The following FAM193A variants were observed in gnomAD, a reference collection of about 807,000 sequenced individuals.
FAM193A encodes the protein family with sequence similarity 193 member A.
A neutral mutation model predicts 126.5 loss-of-function variants in FAM193A; 22 were observed. That is an observed-to-expected ratio of 0.17 (90% CI 0.12 to 0.25). The LOEUF (loss-of-function observed/expected upper bound fraction) is 0.25. Among genes scored for constraint, FAM193A ranks in the 10% least tolerant of loss-of-function variants. FAM193A has a pLI of 1.00. For synonymous variants in FAM193A, 761 were observed against 646.8 expected, an observed-to-expected ratio of 1.18 and a Z score of -2.68; for missense variants, 1,675 against 1,672.8, an observed-to-expected ratio of 1.00 and a Z score of -0.02.
In FAM193A at chr4:2,646,680, C is replaced by G. The variant is rs777206397; in HGVS notation, c.1164-5C>G. 3.1e-6 allele frequency: 5 copies of G among 1,600,532 alleles called. No homozygotes were observed. In the South Asian group the frequency reaches 5.6e-5, roughly 18 times the overall value. ...TCCTTTGTTACAAGGCCTTCTCTCT[C>G]CTAGGCTAGGAACCACCACACACGA... On this transcript the variant is annotated splice_polypyrimidine_tract_variant and splice_region_variant and intron_variant, in intron 6 of 20. Transcript: ENST00000637812.
rs59143784 is a variant in FAM193A, at chr4:2,706,291, C to CTTT, written c.4372+5767_4372+5769dup. ...TGTCCTACAATAAATTTCTTTCTTTCTTTTTTTTTTTTTTTTTTTTTTGAG... is the reference window on the plus strand; with the variant it reads ...TGTCCTACAATAAATTTCTTTCTTTCTTTTTTTTTTTTTTTTTTTTTTTTTGAG... On this transcript the variant is annotated intron_variant, in intron 19 of 20. Coordinates refer to ENST00000637812, the MANE Select transcript of FAM193A (RefSeq NM_001366318.2). Among the ~76,000 whole-genome samples the CTTT allele has an allele frequency of 9.8e-3, 1,068 of 108,576 alleles. 36 individuals carry two copies. Among genetic ancestry groups the CTTT allele is most frequent in the Admixed American group, 0.014 (120 of 8,328 alleles). 71.2% of individuals were successfully genotyped at this position (108,576 alleles called of 152,430 possible).
chr4:2,585,367 A>G (rs973752177), intron 1 of FAM193A, among the ~76,000 whole-genome samples: 2 of 152,010 alleles, frequency 1.3e-5, no homozygotes, highest in African/African-American at 4.8e-5. Flanking sequence ...CCATTGTTTC[A>G]TGTTTTTGGC....
At chr4:2,623,896 G>T (rs1458127572) in intron 2 of FAM193A, among the ~76,000 whole-genome samples, 1 of 152,104 alleles carries the variant, frequency 6.6e-6, no homozygotes, top group Non-Finnish European at 1.5e-5. Flanking sequence ...GGGTCAGGGG[G>T]ATGCAATGAT....
chr4:2,548,216 C>T (rs1024994202), intron 1 of FAM193A, among the ~76,000 whole-genome samples: 1 of 148,592 alleles, frequency 6.7e-6, no homozygotes, highest in Admixed American at 6.8e-5. Context: ...GGATTACAGG[C>T]GCCTTCCACC....
chr4:2,554,837 T>C (rs1738160892), intron 1 of FAM193A, among the ~76,000 whole-genome samples: 1 of 152,212 alleles, frequency 6.6e-6, no homozygotes, highest in Non-Finnish European at 1.5e-5. Context: ...TCATCCTTGG[T>C]AGTTTGCTTG....
At chr4:2,553,282 T>G (rs1578582272) in intron 1 of FAM193A, among the ~76,000 whole-genome samples, 1 of 152,148 alleles carries the variant, frequency 6.6e-6, no homozygotes, top group South Asian at 2.1e-4. Context: ...TGCGCGATGA[T>G]AGGACCTGTG....
chr4:2,600,052 A>G (rs1741107755), intron 2 of FAM193A, among the ~76,000 whole-genome samples: 1 of 152,106 alleles, frequency 6.6e-6, no homozygotes, highest in African/African-American at 2.4e-5. Flanking sequence ...GGCGCGCAAC[A>G]CCACACCTGG....
chr4:2,668,434 T>A (rs2298963), intron 12 of FAM193A, among the ~76,000 whole-genome samples: 4 of 151,854 alleles, frequency 2.6e-5, no homozygotes, highest in South Asian at 2.1e-4. Flanking sequence ...GGCTGGTCTC[T>A]AACTGGCCTC....
At chr4:2,552,832 C>T (rs142862308) in intron 1 of FAM193A, among the ~76,000 whole-genome samples, 127 of 149,558 alleles carry the variant, frequency 8.5e-4, no homozygotes, top group African/African-American at 2.9e-3. Context: ...CCACCGCGCC[C>T]GGCCACAGAA....
intron 4 of FAM193A, among the ~76,000 whole-genome samples, chr4:2,627,279 G>C (rs1013256140): frequency 6.7e-6 from 1 of 150,358 alleles, no homozygotes; most frequent in Admixed American, 6.7e-5. Context: ...TTATGTCTCA[G>C]CCTCCAGAGT....
chr4:2,649,373 T>TCAAA (rs1560520741), intron 7 of FAM193A, among the ~76,000 whole-genome samples: 2 of 129,048 alleles, frequency 1.5e-5, no homozygotes, highest in African/African-American at 6.5e-5. Flanking sequence ...AGACCCTGTC[T>TCAAA]GAAAAAAAAA....
chr4:2,640,102 A>G (rs1744466427), intron 6 of FAM193A, among the ~76,000 whole-genome samples: 1 of 152,244 alleles, frequency 6.6e-6, no homozygotes, highest in African/African-American at 2.4e-5. Flanking sequence ...CTCATACAGA[A>G]AAGCTACAGT....
In FAM193A at chr4:2,696,369, G is replaced by T. The variant is rs2109294182; in HGVS notation, c.3283G>T (p.Ala1095Ser). ...CEFFGHGGPPAAPTSRNYAEM... is the reference protein window; with the variant it reads ...CEFFGHGGPPSAPTSRNYAEM... ...ACTTTGTTGTTTTTCTCAGCCTCCAGCTGCACCAACAAGTAGAAATTATGC... is the reference window on the plus strand; with the variant it reads ...ACTTTGTTGTTTTTCTCAGCCTCCATCTGCACCAACAAGTAGAAATTATGC... Residue 1095 changes from alanine to serine, a missense_variant, in exon 18 of 21, where the codon GCT (alanine) becomes TCT (serine). By Grantham distance (99) the Ala-to-Ser change is moderately conservative (BLOSUM62 1). Transcript: ENST00000637812. 1.2e-6 allele frequency: 2 copies of T among 1,610,906 alleles called. No homozygotes were observed. Among genetic ancestry groups the T allele is most frequent in the East Asian group, 4.5e-5 (2 of 44,830 alleles).
At chr4:2,603,451 ATTT>A (rs71178489) in intron 2 of FAM193A, among the ~76,000 whole-genome samples, 32 of 99,294 alleles carry the variant, frequency 3.2e-4, no homozygotes, top group East Asian at 1.7e-3. Flanking sequence ...CGCCCAGCTA[ATTT>A]TTTTTTTTTT....
intron 1 of FAM193A, among the ~76,000 whole-genome samples, chr4:2,565,234 A>G (rs1560446505): frequency 6.8e-6 from 1 of 147,826 alleles, no homozygotes; most frequent in Admixed American, 6.8e-5. Context: ...AAAACTGGAT[A>G]TACACAATGA....
At chr4:2,644,992 G>A (rs901444527) in intron 6 of FAM193A, among the ~76,000 whole-genome samples, 2 of 151,792 alleles carry the variant, frequency 1.3e-5, no homozygotes, top group East Asian at 3.9e-4. Context: ...GTTACCATGA[G>A]CATATTTCCA....
In FAM193A at chr4:2,623,232, G is replaced by A. The variant is rs148273118; in HGVS notation, c.502-2030G>A. 3.1e-3 allele frequency among the ~76,000 whole-genome samples: 467 copies of A among 151,700 alleles called. 3 individuals are homozygous for A. The highest frequency in any genetic ancestry group is 3.1e-3 in the Non-Finnish European group (209 of 67,890). ...TGTCACCAGGCTGGAGTGCGGTGGCGCGATCTCGGCTCACTGCAAGCTCTG... is the reference window on the plus strand; with the variant it reads ...TGTCACCAGGCTGGAGTGCGGTGGCACGATCTCGGCTCACTGCAAGCTCTG... On this transcript the variant is annotated intron_variant, in intron 2 of 20. Transcript: ENST00000637812.
chr4:2,579,968 CACAT>C (rs904943663), intron 1 of FAM193A, among the ~76,000 whole-genome samples: 4 of 152,134 alleles, frequency 2.6e-5, no homozygotes, highest in Non-Finnish European at 5.9e-5. Context: ...GTTACAAAGA[CACAT>C]GCATGCGTGT....
At chr4:2,630,330 TAAAAA>T (rs3037154) in intron 4 of FAM193A, among the ~76,000 whole-genome samples, 1 of 149,128 alleles carries the variant, frequency 6.7e-6, no homozygotes, top group Non-Finnish European at 1.5e-5. Flanking sequence ...GGATAATTGT[TAAAAA>T]AAAAAGATAA....
Sources: gnomAD v4.1 joint callset for allele counts (sites outside exome capture counted in the v4.1 genomes callset) on GRCh38, gnomAD v4.1.1 for gene constraint, MANE v1.5 for transcripts, NCBI Gene and HGNC (gene_info 2026-07-23, HGNC 2026-07-21) for gene names.